HIPK1: variants seen among roughly 807,000 people sequenced by gnomAD.
HIPK1 encodes the protein homeodomain-interacting protein kinase 1.
Under a neutral mutation model 117.1 loss-of-function variants are expected in HIPK1, and 28 were observed. That is an observed-to-expected ratio of 0.24 (90% CI 0.18 to 0.33). The LOEUF is 0.33. Ranked by LOEUF, HIPK1 falls within the 10% of genes least tolerant of loss-of-function variation. The pLI, the probability that HIPK1 is intolerant of heterozygous loss-of-function variation, is 1.00. For synonymous variants in HIPK1, 605 were observed against 562.5 expected, an observed-to-expected ratio of 1.08 and a Z score of -1.07; for missense variants, 1,122 against 1,475.1, an observed-to-expected ratio of 0.76 and a Z score of 3.92.
At position 113,973,173 on chromosome 1, in the gene HIPK1, T is replaced by G. The variant is rs749035899; in HGVS notation, c.3294T>G (p.Leu1098=). ...SPLHSTGHPH[L]APAPAHLPSQ... ...TACACTCGACAGGGCACCCACACCTTGCCCCGGCCCCTGCTCACCTGCCAA... is the reference window on the plus strand; with the variant it reads ...TACACTCGACAGGGCACCCACACCTGGCCCCGGCCCCTGCTCACCTGCCAA... Residue 1098 remains leucine (L), a synonymous_variant, in exon 16 of 16, where the codon CTT becomes CTG. Transcript: ENST00000426820. 3.7e-6 allele frequency: 6 copies of G among 1,610,030 alleles called. No homozygotes were observed. In the African/African-American group the frequency reaches 6.7e-5, roughly 18 times the overall value.
At chr1:113,971,979 C>T in intron 15 of HIPK1, 25 bp downstream of exon 15, 1 of 1,612,888 alleles carries the variant, frequency 6.2e-7, no homozygotes, top group South Asian at 1.1e-5. Context: ...CTACTGCCTT[C>T]TGTTTGGGCC....
intron 10 of HIPK1, 44 bp downstream of exon 10, chr1:113,963,565 G>C (rs1558144886): frequency 5.8e-6 from 9 of 1,548,462 alleles, no homozygotes; most frequent in Non-Finnish European, 7.8e-6. Flanking sequence ...AGTTTCTTTG[G>C]TTTCTTTCTT....
chr1:113,931,919 T>C (rs1669922032), intron 1 of HIPK1, among the ~76,000 whole-genome samples: 1 of 152,236 alleles, frequency 6.6e-6, no homozygotes, highest in Admixed American at 6.5e-5. Context: ...TTTAGGTCTT[T>C]TTAAAAAAAA....
rs1465636234 is a variant in HIPK1, at chr1:113,977,722, G to C, written c.*4210G>C. 1 of 152,670 alleles carries C rather than the reference G, an allele frequency of 6.6e-6. No individual in the cohort carries two copies. Among genetic ancestry groups the C allele is most frequent in the Non-Finnish European group, 1.5e-5 (1 of 68,022 alleles). The allele number at this position is 152,670 out of a possible 1,614,324, so 9.5% of individuals were successfully genotyped here. ...TGTCTTTGGTTTTACAAAGTAGCTT[G>C]TATTTTCAGTATTTTCTACATAATA... On this transcript the variant is annotated 3_prime_UTR_variant, in exon 16 of 16. Transcript: ENST00000426820.
rs1347234223 is a variant in HIPK1 at position 113,941,806 on chromosome 1, CTGGAGTGCAG to C, written c.1076+351_1076+360del. 6.6e-6 allele frequency among the ~76,000 whole-genome samples: 1 copy of C among 152,104 alleles called. No individual in the cohort carries two copies. The highest frequency in any genetic ancestry group is 6.6e-5 in the Admixed American group (1 of 15,266). ...ACAGAATCTCGCTCTGTCGCCCAGG[CTGGAGTGCAG>C]TGGCGTGATATCAGCTCACTGCAAG... On this transcript the variant is annotated intron_variant, in intron 2 of 15. Transcript: ENST00000426820. This position sits in a 1 kb window ranked among gnomAD's most constrained non-coding sequence, Gnocchi z 4.9.
At chr1:113,968,196 T>C (rs1672582098) in intron 12 of HIPK1, among the ~76,000 whole-genome samples, 1 of 152,162 alleles carries the variant, frequency 6.6e-6, no homozygotes, top group Non-Finnish European at 1.5e-5. Context: ...CTTTACAGAG[T>C]GAAATTTAAT....
chr1:113,929,579 G>A, intron 1 of HIPK1, 47 bp downstream of exon 1: 1 of 1,259,674 alleles, frequency 7.9e-7, no homozygotes, highest in Non-Finnish European at 1.0e-6. Context: ...GCGAGGCGGG[G>A]CCGGCCGGGT....
rs776303024 is a variant in HIPK1, at chr1:113,929,496, C to G, written c.-39C>G. ...CCTACTGCAATCAGTACTATGCGAT[C>G]GTCCTAGAGAGTCCATTCAGCTGCA... On this transcript the variant is annotated 5_prime_UTR_variant, in exon 1 of 16. The change creates a new upstream start codon in the 5' untranslated region. Coordinates refer to ENST00000426820, the MANE Select transcript of HIPK1 (RefSeq NM_198268.3). 1 of 1,289,350 alleles carries G rather than the reference C, an allele frequency of 7.8e-7. No individual in the cohort carries two copies. The highest frequency in any genetic ancestry group is 1.0e-6 in the Non-Finnish European group (1 of 988,828). The allele number at this position is 1,289,350 out of a possible 1,614,324, so 79.9% of individuals were successfully genotyped here.
At chr1:113,936,337 C>G (rs1286424281) in intron 1 of HIPK1, among the ~76,000 whole-genome samples, 3 of 152,132 alleles carry the variant, frequency 2.0e-5, no homozygotes, top group Non-Finnish European at 4.4e-5. Context: ...TATCCTAGAA[C>G]TTGTACTTTT....
chr1:113,970,515 T>C (rs1217345929), intron 14 of HIPK1, among the ~76,000 whole-genome samples: 2 of 152,222 alleles, frequency 1.3e-5, no homozygotes, highest in Non-Finnish European at 2.9e-5. Context: ...TTGCCACAGA[T>C]GATTTGAATT....
At chr1:113,935,343 T>G (rs1670186570) in intron 1 of HIPK1, among the ~76,000 whole-genome samples, 1 of 152,220 alleles carries the variant, frequency 6.6e-6, no homozygotes, top group Admixed American at 6.5e-5. Context: ...TGTTGCCTGT[T>G]GCTGCAAAGG....
chr1:113,938,179 T>G (rs1232310525), intron 1 of HIPK1, among the ~76,000 whole-genome samples: 1 of 151,442 alleles, frequency 6.6e-6, no homozygotes, highest in Non-Finnish European at 1.5e-5. Context: ...CATGTTGCTC[T>G]GGCTGGTCTT....
chr1:113,972,129 T>C, intron 15 of HIPK1, 175 bp downstream of exon 15: 1 of 1,536,950 alleles, frequency 6.5e-7, no homozygotes, highest in Non-Finnish European at 8.8e-7. Flanking sequence ...TCATTCACTC[T>C]GTAAGTGTGT....
chr1:113,936,952 C>G (rs916125203), intron 1 of HIPK1, among the ~76,000 whole-genome samples: 2 of 152,146 alleles, frequency 1.3e-5, no homozygotes, highest in Admixed American at 1.3e-4. Context: ...AAATTTGCTT[C>G]CTTTTGTTGT....
intron 1 of HIPK1, among the ~76,000 whole-genome samples, chr1:113,934,086 T>C (rs1404820289): frequency 6.6e-6 from 1 of 152,208 alleles, no homozygotes; most frequent in African/African-American, 2.4e-5. Flanking sequence ...ACAATATGTA[T>C]ACCTGTGTTC....
chr1:113,974,187 T>A lies in HIPK1; in HGVS notation c.*675T>A, dbSNP rs541766426. 1 of 152,514 alleles carries A rather than the reference T, an allele frequency of 6.6e-6. No individual in the cohort carries two copies. The highest frequency in any genetic ancestry group is 1.9e-4 in the East Asian group (1 of 5,328). 9.4% of individuals were successfully genotyped at this position (152,514 alleles called of 1,614,324 possible). On this transcript the variant is annotated 3_prime_UTR_variant, in exon 16 of 16. Coordinates refer to ENST00000426820, the MANE Select transcript of HIPK1 (RefSeq NM_198268.3). ...ATTGAGATTCTCTCAATTGCTCCTGTGTTTGTTATAAAGTAGTGTTTAAAA... is the reference window on the plus strand; with the variant it reads ...ATTGAGATTCTCTCAATTGCTCCTGAGTTTGTTATAAAGTAGTGTTTAAAA...
Position 113,970,177 on chromosome 1 carries a change from C to T in HIPK1, c.2993C>T (p.Thr998Ile). The change falls in exon 14 of 16, where the codon ACT (threonine) becomes ATT (isoleucine). Residue 998 changes from threonine to isoleucine, a missense_variant. Thr to Ile is a moderately conservative substitution (Grantham distance 89, BLOSUM62 -1). Around this residue, in one of 6 missense-constraint regions of HIPK1, gnomAD observed 731 missense variants for 860.4 expected, o/e 0.85. Transcript: ENST00000426820. The stretch of plus-strand genomic sequence containing the variant: ...CTGAAAACTCAGCTTGGTGACTGCA[C>T]TGTAGCAACCCAGGCCTCAGGTCAG... ...PPLKTQLGDC[T>I]VATQASGLLS... 1.9e-6 allele frequency: 3 copies of T among 1,614,172 alleles called. No homozygotes were observed. Among genetic ancestry groups the T allele is most frequent in the Non-Finnish European group, 2.5e-6 (3 of 1,180,012 alleles).
At chr1:113,953,579 G>A (rs1671507542) in intron 3 of HIPK1, among the ~76,000 whole-genome samples, 1 of 151,932 alleles carries the variant, frequency 6.6e-6, no homozygotes, top group Non-Finnish European at 1.5e-5. Flanking sequence ...GTGCAGTGGC[G>A]CGATCTCGGC....
intron 2 of HIPK1, among the ~76,000 whole-genome samples, chr1:113,952,214 C>T (rs1268709142): frequency 1.3e-5 from 2 of 151,842 alleles, no homozygotes; most frequent in Non-Finnish European, 1.5e-5. Context: ...GCTGGGATTA[C>T]AGGCATGAGC....
Sources: allele counts gnomAD v4.1 joint callset (sites outside exome capture counted in the v4.1 genomes callset), GRCh38; gene constraint gnomAD v4.1.1; regional missense constraint gnomAD v4.1.1; non-coding constraint Gnocchi (gnomAD v3.1); transcripts MANE v1.5; gene names NCBI Gene and HGNC (gene_info 2026-07-23, HGNC 2026-07-21).